INTS10: variants seen among roughly 807,000 people sequenced by gnomAD.
INTS10 encodes chromosome 8 open reading frame 35.
A neutral mutation model predicts 94.4 loss-of-function variants in INTS10; 44 were observed. That is an observed-to-expected ratio of 0.47 (90% CI 0.37 to 0.60). The LOEUF is 0.60. Ranked by LOEUF, INTS10 falls within the 20% of genes least tolerant of loss-of-function variation. The pLI is 0.00. For missense variants in INTS10, 797 were observed against 868.7 expected (o/e 0.92, Z 1.04); for synonymous variants, 341 against 320.7 (o/e 1.06, Z -0.68).
intron 4 of INTS10, 84 bp downstream of exon 4, chr8:19,820,602 G>A (rs2066297756): frequency 2.4e-6 from 3 of 1,273,722 alleles, no homozygotes; most frequent in East Asian, 2.5e-5. Flanking sequence ...GAGCTACAAA[G>A]CAGAAGTTTC....
chr8:19,821,568 C>T (rs1280642742), intron 4 of INTS10: 1 of 152,270 alleles, frequency 6.6e-6, no homozygotes, highest in East Asian at 1.9e-4. Context: ...CATGCCACAG[C>T]CTCCTGAGTA....
At chr8:19,834,417 A>T (rs140444592) in intron 12 of INTS10, among the ~76,000 whole-genome samples, 1 of 152,344 alleles carries the variant, frequency 6.6e-6, no homozygotes, top group Non-Finnish European at 1.5e-5. Flanking sequence ...CATTATTTAT[A>T]TAATTATCCA....
intron 2 of INTS10, 182 bp downstream of exon 2, chr8:19,818,524 G>A: frequency 1.7e-6 from 1 of 582,864 alleles, no homozygotes; most frequent in African/African-American, 1.9e-5. Context: ...TTGCAGAAGA[G>A]TTTAATTATT....
chr8:19,844,684 G>T lies in INTS10; in HGVS notation c.1882+446G>T, dbSNP rs186238100. ...CCATAGCTGTCTTACCTACCAATGA[G>T]TACCCACCAGAGATGCTGCACAGCA... is the stretch of plus-strand genomic sequence containing the variant. On this transcript the variant is annotated intron_variant, in intron 15 of 16. Transcript: ENST00000397977. Among the ~76,000 whole-genome samples the T allele has an allele frequency of 9.2e-5, 14 of 152,208 alleles. No homozygotes were observed. In the East Asian group the frequency reaches 2.7e-3, roughly 29 times the overall value.
At chr8:19,834,621 G>C (rs2067504422) in intron 12 of INTS10, among the ~76,000 whole-genome samples, 1 of 152,138 alleles carries the variant, frequency 6.6e-6, no homozygotes, top group African/African-American at 2.4e-5. Context: ...TTTCCTTTGA[G>C]GGCTTAGTTC....
chr8:19,851,656 A>G lies in INTS10; in HGVS notation c.1984A>G (p.Thr662Ala), dbSNP rs746013325. The G allele has an allele frequency of 6.2e-7, 1 of 1,614,192 alleles. No homozygotes were observed. Among genetic ancestry groups the G allele is most frequent in the African/African-American group, 1.3e-5 (1 of 75,054 alleles). ...PNQGMLIKHH[T>A]VTRGITKGVK... is the part of the protein sequence containing the mutation. ...CCCTATTGCTGACCTCAGGCACCAC[A>G]CTGTAACTCGAGGCATCACCAAAGG... is the stretch of plus-strand genomic sequence containing the variant. The change falls in exon 17 of 17, where the codon ACT (threonine) becomes GCT (alanine). Residue 662 changes from threonine (T) to alanine (A), a missense_variant. By Grantham distance (58) the Thr-to-Ala change is moderately conservative. Around this residue, in one of 3 missense-constraint regions of INTS10, gnomAD observed 16 missense variants for 39.1 expected, o/e 0.41. Transcript: ENST00000397977. The surrounding 1 kb of genome is among the most constrained non-coding windows in gnomAD (Gnocchi z 5.0).
At chr8:19,823,214 C>T in intron 5 of INTS10, 87 bp from the exon 6 acceptor site, 1 of 1,015,234 alleles carries the variant, frequency 9.8e-7, no homozygotes, top group Non-Finnish European at 1.5e-6. Flanking sequence ...GATACTACAT[C>T]AAATGAACTC....
chr8:19,825,121 A>G, intron 8 of INTS10, 149 bp downstream of exon 8: 1 of 669,366 alleles, frequency 1.5e-6, no homozygotes, highest in Non-Finnish European at 2.5e-6. Context: ...AGTTTTGTTT[A>G]GTTTGGCTTA....
In INTS10 at chr8:19,843,792, C is replaced by T. The variant is rs2068336723; in HGVS notation, c.1720-284C>T. 6.6e-6 allele frequency among the ~76,000 whole-genome samples: 1 copy of T among 152,158 alleles called. No individual in the cohort carries two copies. Among genetic ancestry groups the T allele is most frequent in the South Asian group, 2.1e-4 (1 of 4,826 alleles). ...ATCAGAGTTCTCTGCCCCTGATTCT[C>T]ATATGCAAAAGCTTCAGGCCCACCC... On this transcript the variant is annotated intron_variant, in intron 14 of 16. Coordinates refer to ENST00000397977, the MANE Select transcript of INTS10 (RefSeq NM_018142.4). This position sits in a 1 kb window ranked among gnomAD's most constrained non-coding sequence, Gnocchi z 4.7.
Position 19,845,353 on chromosome 8 carries a change from C to A in INTS10, c.1883-351C>A, listed in dbSNP as rs372291335. The A allele has an allele frequency of 9.0e-5, 16 of 177,960 alleles. No individual in the cohort carries two copies. The East Asian group carries it at 1.2e-3, about 14-fold the overall frequency. 11.0% of individuals were successfully genotyped at this position (177,960 alleles called of 1,614,324 possible). On this transcript the variant is annotated intron_variant, in intron 15 of 16. Transcript: ENST00000397977. ...ATTAAGAAAACAAAAAAATTTTGCTCTTGTGACCATGTAGTATTAATTATT... is the reference window on the plus strand; with the variant it reads ...ATTAAGAAAACAAAAAAATTTTGCTATTGTGACCATGTAGTATTAATTATT...
At position 19,851,849 on chromosome 8, in the gene INTS10, T is replaced by C. The variant is rs763718859; in HGVS notation, c.*44T>C. On this transcript the variant is annotated 3_prime_UTR_variant, in exon 17 of 17. Transcript: ENST00000397977. This position sits in a 1 kb window ranked among gnomAD's most constrained non-coding sequence, Gnocchi z 5.0. ...GACACAGCTCGGGCCTGTGTAATTG[T>C]AGGAGAAGACACTCAGCAGTGATTG... 1 of 1,573,528 alleles carries C rather than the reference T, an allele frequency of 6.4e-7. No homozygotes were observed. Among genetic ancestry groups the C allele is most frequent in the Non-Finnish European group, 8.7e-7 (1 of 1,144,426 alleles).
chr8:19,819,216 G>A (rs1485322278), intron 2 of INTS10, among the ~76,000 whole-genome samples: 1 of 152,148 alleles, frequency 6.6e-6, no homozygotes, highest in Non-Finnish European at 1.5e-5. Context: ...TACTCATACT[G>A]TTAATAAGAT....
At chr8:19,828,013 C>T (rs1398410467) in intron 9 of INTS10, among the ~76,000 whole-genome samples, 7 of 151,790 alleles carry the variant, frequency 4.6e-5, no homozygotes, top group Non-Finnish European at 8.8e-5. Context: ...GTTTAAGACC[C>T]ACCTGGGCAA....
At chr8:19,833,139 T>C in intron 11 of INTS10, 30 bp from the exon 12 acceptor site, 2 of 1,500,376 alleles carry the variant, frequency 1.3e-6, no homozygotes, top group Non-Finnish European at 1.8e-6. Context: ...AGCGATGCTT[T>C]TCCCCTCCTT....
chr8:19,838,105 C>T (rs1424522818), intron 13 of INTS10, among the ~76,000 whole-genome samples: 3 of 152,272 alleles, frequency 2.0e-5, no homozygotes, highest in African/African-American at 7.2e-5. Flanking sequence ...CCTGTAATCC[C>T]AGCATTTTGG....
In INTS10 at chr8:19,849,978, C is replaced by CTGTAAT. The variant is rs1346659354; in HGVS notation, c.1977-1671_1977-1670insTGTAAT. 1.3e-5 allele frequency among the ~76,000 whole-genome samples: 2 copies of CTGTAAT among 151,870 alleles called. No homozygotes were observed. The highest frequency in any genetic ancestry group is 2.9e-5 in the Non-Finnish European group (2 of 67,962). Reference sequence around the variant, plus strand: ...TGGTATTAAAAGCAGGGTTTATTAGCCAGGCCTGGTGGCATATGCCTGTAA... The same window carrying CTGTAAT: ...TGGTATTAAAAGCAGGGTTTATTAGCTGTAATCAGGCCTGGTGGCATATGCCTGTAA... On this transcript the variant is annotated intron_variant, in intron 16 of 16. Transcript: ENST00000397977. The surrounding 1 kb of genome is among the most constrained non-coding windows in gnomAD (Gnocchi z 4.6).
chr8:19,817,712 G>T, intron 1 of INTS10, 46 bp downstream of exon 1: 1 of 1,571,134 alleles, frequency 6.4e-7, no homozygotes, highest in African/African-American at 1.4e-5. Context: ...GGAGGTGCGC[G>T]CTCCCGTCGC....
rs2068847477 is a variant in INTS10 at position 19,849,514 on chromosome 8, T to G, written c.1977-2135T>G. Among the ~76,000 whole-genome samples, 3 of 152,214 alleles carry G rather than the reference T, an allele frequency of 2.0e-5. No homozygotes were observed. The South Asian group carries it at 6.2e-4, about 31-fold the overall frequency. On this transcript the variant is annotated intron_variant, in intron 16 of 16. Coordinates refer to ENST00000397977, the MANE Select transcript of INTS10 (RefSeq NM_018142.4). The surrounding 1 kb of genome is among the most constrained non-coding windows in gnomAD (Gnocchi z 4.6). ...AAATCTGTATTCAATTAAGTGCACA[T>G]TAGCTTAGGTGCACCATGATTCTCT... is the stretch of plus-strand genomic sequence containing the variant.
At chr8:19,819,413 CAAGT>C (rs1457090363) in intron 2 of INTS10, among the ~76,000 whole-genome samples, 156 bp from the exon 3 acceptor site, 1 of 152,130 alleles carries the variant, frequency 6.6e-6, no homozygotes, top group Non-Finnish European at 1.5e-5. Context: ...TTTTATAAAT[CAAGT>C]AATTCTTATT....
Sources: allele counts gnomAD v4.1 joint callset (sites outside exome capture counted in the v4.1 genomes callset), GRCh38; gene constraint gnomAD v4.1.1; regional missense constraint gnomAD v4.1.1; non-coding constraint Gnocchi (gnomAD v3.1); transcripts MANE v1.5; gene names NCBI Gene and HGNC (gene_info 2026-07-23, HGNC 2026-07-21).